The following SEPTIN11 variants were observed in gnomAD, a reference collection of about 807,000 sequenced individuals.
SEPTIN11 encodes the protein septin 11.
Under a neutral mutation model 51.4 loss-of-function variants are expected in SEPTIN11, and 25 were observed. The ratio of observed to expected loss-of-function variants is 0.49; its 90% CI spans 0.35 to 0.68. SEPTIN11 has a LOEUF of 0.68. SEPTIN11 is among the 30% of genes least tolerant of loss of function. SEPTIN11 has a pLI of 0.00. For missense variants in SEPTIN11, 381 were observed against 520.8 expected (o/e 0.73, Z 2.61); for synonymous variants, 174 against 184.1 (o/e 0.95, Z 0.44).
chr4:77,011,027 T>C (rs1459213654), intron 3 of SEPTIN11, among the ~76,000 whole-genome samples: 4 of 152,218 alleles, frequency 2.6e-5, no homozygotes, highest in Non-Finnish European at 5.9e-5. Context: ...AAGAGAGGGT[T>C]ACGACATTTA....
At position 77,037,297 on chromosome 4, in the gene SEPTIN11, G is replaced by A; in HGVS notation, c.*2785G>A. On this transcript the variant is annotated 3_prime_UTR_variant, in exon 10 of 10. Transcript: ENST00000264893. ...GAATTGCTTGAACTTGGGAGATGGA[G>A]GTTGCAGTGAGCCAAGATTGCACCA... The A allele has an allele frequency of 1.2e-6, 1 of 816,904 alleles. No homozygotes were observed. The highest frequency in any genetic ancestry group is 1.5e-6 in the Non-Finnish European group (1 of 676,248). 50.6% of individuals were successfully genotyped at this position (816,904 alleles called of 1,614,324 possible). A position where few individuals can be genotyped will look rare whatever the true frequency, so the allele number is the denominator to read the frequency against.
chr4:76,965,325 C>A (rs1000370813), intron 1 of SEPTIN11, among the ~76,000 whole-genome samples: 1 of 151,800 alleles, frequency 6.6e-6, no homozygotes, highest in Non-Finnish European at 1.5e-5. Flanking sequence ...GTGGCGTGCA[C>A]CTGTAGTCCA....
intron 1 of SEPTIN11, among the ~76,000 whole-genome samples, chr4:76,994,578 G>T (rs916212651): frequency 5.3e-5 from 8 of 152,206 alleles, no homozygotes; most frequent in Non-Finnish European, 1.0e-4. Flanking sequence ...GACATCTGTT[G>T]TCTGTCCCAT....
intron 4 of SEPTIN11, among the ~76,000 whole-genome samples, chr4:77,012,729 CAGTG>C (rs1724969753): frequency 6.6e-6 from 1 of 152,166 alleles, no homozygotes; most frequent in Non-Finnish European, 1.5e-5. Context: ...AGGGACAAAA[CAGTG>C]AGAGAATGCT....
chr4:76,953,612 G>C (rs1218712739), intron 1 of SEPTIN11, among the ~76,000 whole-genome samples: 2 of 152,070 alleles, frequency 1.3e-5, no homozygotes, highest in Non-Finnish European at 2.9e-5. Flanking sequence ...GTCCAGGGGA[G>C]GGCCACCTAA....
At chr4:77,021,165 CA>C (rs1172602783) in intron 7 of SEPTIN11, 1 of 152,860 alleles carries the variant, frequency 6.5e-6, no homozygotes, top group Non-Finnish European at 1.5e-5. Flanking sequence ...AAAATTCTAA[CA>C]ACAAAGAATC....
chr4:77,012,144 TC>T (rs772665512), intron 4 of SEPTIN11, among the ~76,000 whole-genome samples: 16 of 152,092 alleles, frequency 1.1e-4, no homozygotes, highest in Non-Finnish European at 2.1e-4. Flanking sequence ...CAAGTTGCTT[TC>T]CAGGAAGTAT....
intron 1 of SEPTIN11, among the ~76,000 whole-genome samples, chr4:76,956,993 T>TGTGTGTGTGTGTGTGAGAGA (rs769320568): frequency 9.1e-5 from 9 of 98,582 alleles, no homozygotes; most frequent in Admixed American, 3.0e-4. Context: ...TGTGTGTGTG[T>TGTGTGTGTGTGTGTGAGAGA]GAGAGAGAGA....
chr4:77,028,357 T>C (rs987238648), intron 7 of SEPTIN11, among the ~76,000 whole-genome samples: 2 of 152,210 alleles, frequency 1.3e-5, no homozygotes, highest in Non-Finnish European at 2.9e-5. Context: ...CAGGTTTTCC[T>C]TGTATGAATA....
chr4:76,990,312 T>C (rs567918916), intron 1 of SEPTIN11, among the ~76,000 whole-genome samples: 1 of 152,160 alleles, frequency 6.6e-6, no homozygotes, highest in Non-Finnish European at 1.5e-5. Context: ...AGCTACAGAG[T>C]GCTGATTGGT....
Position 77,005,676 on chromosome 4 carries a change from A to T in SEPTIN11, c.218A>T (p.His73Leu). Residue 73 changes from histidine (H) to leucine (L), a missense_variant, in exon 3 of 10, where the codon CAC becomes CTC. Transcript: ENST00000264893. Reference sequence around the variant, plus strand: ...AAATTTGAAAGTGACCCAGCTACTCACAATGAACCAGGTGTTCGGTTAAAA... The same window carrying T: ...AAATTTGAAAGTGACCCAGCTACTCTCAATGAACCAGGTGTTCGGTTAAAA... ...NTKFESDPAT[H>L]NEPGVRLKAR... The T allele has an allele frequency of 6.2e-7, 1 of 1,614,096 alleles. No individual in the cohort carries two copies. Among genetic ancestry groups the T allele is most frequent in the Non-Finnish European group, 8.5e-7 (1 of 1,179,964 alleles).
intron 1 of SEPTIN11, among the ~76,000 whole-genome samples, chr4:76,956,605 T>C (rs143480140): frequency 6.6e-6 from 1 of 152,326 alleles, no homozygotes; most frequent in East Asian, 1.9e-4. Flanking sequence ...GCCAGCCTGG[T>C]GGCAGAGGAC....
At chr4:77,039,648 T>TAAA, downstream of SEPTIN11, 1 of 853,802 alleles carries the variant, frequency 1.2e-6, no homozygotes. Flanking sequence ...TTGGGGTTTT[T>TAAA]AAAAAAAAAA....
At chr4:76,980,472 A>G in intron 1 of SEPTIN11, among the ~76,000 whole-genome samples, 1 of 152,166 alleles carries the variant, frequency 6.6e-6, no homozygotes, top group Non-Finnish European at 1.5e-5. Context: ...GTTTCCTTAT[A>G]TCGGTGGCTG....
At chr4:76,963,198 G>C (rs1325182874) in intron 1 of SEPTIN11, among the ~76,000 whole-genome samples, 1 of 152,138 alleles carries the variant, frequency 6.6e-6, no homozygotes, top group East Asian at 1.9e-4. Context: ...GAGTTTTTTT[G>C]GTCTTTAAAT....
At chr4:76,954,776 A>C (rs142855986) in intron 1 of SEPTIN11, among the ~76,000 whole-genome samples, 238 of 152,314 alleles carry the variant, frequency 1.6e-3, no homozygotes, top group African/African-American at 5.3e-3. Flanking sequence ...GCTCAAGCCA[A>C]ATGGCACAGG....
chr4:76,986,814 C>T (rs1490650303), intron 1 of SEPTIN11, among the ~76,000 whole-genome samples: 1 of 152,116 alleles, frequency 6.6e-6, no homozygotes, highest in Admixed American at 6.5e-5. Context: ...TATTGATGTT[C>T]CTGGATTTTA....
intron 1 of SEPTIN11, among the ~76,000 whole-genome samples, chr4:76,993,780 A>G (rs1383831310): frequency 1.3e-5 from 2 of 152,238 alleles, no homozygotes; most frequent in Admixed American, 6.5e-5. Context: ...GTTAGAAGAC[A>G]GACTCTAAAG....
intron 1 of SEPTIN11, among the ~76,000 whole-genome samples, chr4:76,967,363 T>C (rs1250498674): frequency 6.6e-6 from 1 of 152,160 alleles, no homozygotes; most frequent in Non-Finnish European, 1.5e-5. Context: ...AAGATGATAG[T>C]AAGGGAGGCA....
Sources: allele counts gnomAD v4.1 joint callset (sites outside exome capture counted in the v4.1 genomes callset), GRCh38; gene constraint gnomAD v4.1.1; transcripts MANE v1.5; gene names NCBI Gene and HGNC (gene_info 2026-07-23, HGNC 2026-07-21).